Variants in ERC1 observed in about 807,000 individuals in gnomAD.
ERC1 encodes the protein ELKS/RAB6-interacting/CAST family member 1, also known as RAB6 interacting protein 2.
A neutral mutation model predicts 132.0 loss-of-function variants in ERC1; 56 were observed. The observed-to-expected ratio is 0.42, with a 90% confidence interval of 0.34 to 0.53. ERC1 has a LOEUF of 0.53. Among genes scored for constraint, ERC1 ranks in the 20% least tolerant of loss-of-function variants. The pLI is 0.03. For missense variants in ERC1, 1,202 were observed against 1,349.9 expected (o/e 0.89, Z 1.72); for synonymous variants, 478 against 476.1 (o/e 1.00, Z -0.05).
chr12:1,398,016 C>T (rs1182460149), intron 16 of ERC1, among the ~76,000 whole-genome samples: 2 of 152,114 alleles, frequency 1.3e-5, no homozygotes, highest in Non-Finnish European at 1.5e-5. Flanking sequence ...TTAGTGGTCT[C>T]ACTCTCTCCC....
chr12:1,149,049 G>A (rs1343474589), intron 8 of ERC1, among the ~76,000 whole-genome samples: 1 of 152,082 alleles, frequency 6.6e-6, no homozygotes, highest in African/African-American at 2.4e-5. Context: ...ATTGTTGGCT[G>A]ATAAAATAGA....
intron 6 of ERC1, among the ~76,000 whole-genome samples, chr12:1,114,481 C>G (rs1946236920): frequency 7.2e-6 from 1 of 138,682 alleles, no homozygotes; most frequent in Non-Finnish European, 1.6e-5. Context: ...TTTGAATAAT[C>G]TTAGTCATAG....
intron 7 of ERC1, among the ~76,000 whole-genome samples, chr12:1,132,868 T>A (rs868249288): frequency 2.7e-5 from 4 of 150,798 alleles, no homozygotes; most frequent in African/African-American, 7.3e-5. Flanking sequence ...TTTTTTTTTT[T>A]AATTGAGACG....
chr12:1,308,752 C>A (rs1364618326), intron 15 of ERC1, among the ~76,000 whole-genome samples: 1 of 152,222 alleles, frequency 6.6e-6, no homozygotes, highest in Non-Finnish European at 1.5e-5. Flanking sequence ...AGATTGGCCA[C>A]TGCCAACTTC....
rs2094312659 is a variant in ERC1 at position 1,490,926 on chromosome 12, C to T, written c.*696C>T. On this transcript the variant is annotated 3_prime_UTR_variant, in exon 19 of 19. Coordinates refer to ENST00000360905, the MANE Select transcript of ERC1 (RefSeq NM_178040.4). ...CTCACTCTGTTCCTCGGCCAGTTAA[C>T]AAGAAGATGGTGTGAGGTGTTCTCC... 4.3e-6 allele frequency: 1 copy of T among 232,608 alleles called. No homozygotes were observed. Among genetic ancestry groups the T allele is most frequent in the Admixed American group, 5.6e-5 (1 of 17,752 alleles). 14.4% of individuals were successfully genotyped at this position (232,608 alleles called of 1,614,324 possible). A position where few individuals can be genotyped will look rare whatever the true frequency, so the allele number is the denominator to read the frequency against.
rs572146958 is a variant in ERC1 at position 1,471,096 on chromosome 12, T to A, written c.3214-18997T>A. ...AAACTCCCGTGCTATTCAGCTCCCT[T>A]CCCAGCTTGTTCAGAAAAGGTATAA... On this transcript the variant is annotated intron_variant, in intron 18 of 18. Coordinates refer to ENST00000360905, the MANE Select transcript of ERC1 (RefSeq NM_178040.4). 5.3e-5 allele frequency among the ~76,000 whole-genome samples: 8 copies of A among 152,280 alleles called. No individual in the cohort carries two copies. In the East Asian group the frequency reaches 1.5e-3, roughly 29 times the overall value.
intron 14 of ERC1, among the ~76,000 whole-genome samples, chr12:1,268,814 A>G (rs765092832): frequency 2.0e-5 from 3 of 152,200 alleles, no homozygotes; most frequent in Non-Finnish European, 4.4e-5. Context: ...GATGTTCAAC[A>G]TGTTCCATGT....
At chr12:1,021,682 GA>G (rs1472537833) in intron 1 of ERC1, among the ~76,000 whole-genome samples, 1 of 141,800 alleles carries the variant, frequency 7.1e-6, no homozygotes, top group Non-Finnish European at 1.5e-5. Context: ...CTGGGCGACA[GA>G]ACAAGACTCC....
intron 2 of ERC1, among the ~76,000 whole-genome samples, chr12:1,071,972 G>T (rs770534385): frequency 1.2e-4 from 19 of 152,016 alleles, no homozygotes; most frequent in Non-Finnish European, 2.4e-4. Context: ...TTGGTGGCGG[G>T]CACCTGTAAT....
At position 1,491,536 on chromosome 12, in the gene ERC1, C is replaced by G. The variant is rs150787670; in HGVS notation, c.*1306C>G. The G allele has an allele frequency of 7.5e-4, 172 of 230,556 alleles. 2 individuals are homozygous for G. The highest frequency in any genetic ancestry group is 3.7e-3 in the African/African-American group (167 of 45,308). 14.3% of individuals were successfully genotyped at this position (230,556 alleles called of 1,614,324 possible). ...TTGAAGCAGTAAATAGCATGTCCTT[C>G]CCCTCCCCGATCTTAAGGTGTGTTT... is the stretch of plus-strand genomic sequence containing the variant. On this transcript the variant is annotated 3_prime_UTR_variant, in exon 19 of 19. Coordinates refer to ENST00000360905, the MANE Select transcript of ERC1 (RefSeq NM_178040.4).
intron 15 of ERC1, among the ~76,000 whole-genome samples, chr12:1,305,440 C>T (rs147587425): frequency 2.0e-5 from 3 of 152,234 alleles, no homozygotes. Flanking sequence ...GTTCCATCTC[C>T]TCCTGAGCCC....
Position 1,193,157 on chromosome 12 carries a change from G to A in ERC1, c.2351+3105G>A, listed in dbSNP as rs529061488. Among the ~76,000 whole-genome samples the A allele has an allele frequency of 3.9e-5, 6 of 152,182 alleles. No individual in the cohort carries two copies. The South Asian group carries it at 8.3e-4, about 21-fold the overall frequency. ...CAGATTGTATTATGAAGGATTCCCA[G>A]GCCTGTTCTTTGTGATCTAAAGAAA... On this transcript the variant is annotated intron_variant, in intron 12 of 18. Coordinates refer to ENST00000360905, the MANE Select transcript of ERC1 (RefSeq NM_178040.4).
At chr12:1,278,249 A>G (rs1247670712) in intron 14 of ERC1, among the ~76,000 whole-genome samples, 1 of 152,214 alleles carries the variant, frequency 6.6e-6, no homozygotes, top group African/African-American at 2.4e-5. Context: ...CCTACCAGAA[A>G]TCTCCATGTT....
chr12:1,272,102 A>G (rs2077898387), intron 14 of ERC1, among the ~76,000 whole-genome samples: 1 of 152,220 alleles, frequency 6.6e-6, no homozygotes, highest in African/African-American at 2.4e-5. Flanking sequence ...CATCACTTAG[A>G]AATTATGACC....
chr12:1,349,813 A>G (rs1595161381), intron 15 of ERC1, among the ~76,000 whole-genome samples: 5 of 152,254 alleles, frequency 3.3e-5, no homozygotes, highest in Admixed American at 2.0e-4. Context: ...CATCAAACAC[A>G]TAACCTTTAC....
chr12:1,160,453 A>G (rs898948858), intron 8 of ERC1, among the ~76,000 whole-genome samples: 7 of 152,156 alleles, frequency 4.6e-5, no homozygotes. Flanking sequence ...TCTAAGATCA[A>G]GGTGAGCATG....
intron 18 of ERC1, among the ~76,000 whole-genome samples, chr12:1,456,234 T>G (rs1393356393): frequency 6.6e-6 from 1 of 152,252 alleles, no homozygotes; most frequent in Non-Finnish European, 1.5e-5. Context: ...AAATTTTATG[T>G]ATCGTGATTT....
chr12:1,450,691 C>T (rs188402326), intron 18 of ERC1, among the ~76,000 whole-genome samples: 2 of 152,324 alleles, frequency 1.3e-5, no homozygotes, highest in Admixed American at 6.5e-5. Context: ...TATGAGTTAA[C>T]CCTATTTTCA....
chr12:1,123,920 C>T (rs973934410), intron 7 of ERC1, among the ~76,000 whole-genome samples: 1 of 152,176 alleles, frequency 6.6e-6, no homozygotes, highest in African/African-American at 2.4e-5. Context: ...TGCTTGAACC[C>T]AGGAGGTAGA....
Sources: allele counts gnomAD v4.1 joint callset (sites outside exome capture counted in the v4.1 genomes callset), GRCh38; gene constraint gnomAD v4.1.1; transcripts MANE v1.5; gene names NCBI Gene and HGNC (gene_info 2026-07-23, HGNC 2026-07-21).